HS3ST4: variants seen among roughly 807,000 people sequenced by gnomAD.
The protein encoded by HS3ST4 is heparan sulfate glucosamine 3-O-sulfotransferase 4.
Under a neutral mutation model 29.2 loss-of-function variants are expected in HS3ST4, and 17 were observed. That is an observed-to-expected ratio of 0.58 (90% CI 0.40 to 0.87). The LOEUF (loss-of-function observed/expected upper bound fraction) is 0.87. Ranked by LOEUF, HS3ST4 falls within the 40% of genes least tolerant of loss-of-function variation. The probability of loss-of-function intolerance (pLI) is 0.00; values close to 1 mark genes in which losing one functional copy is unlikely to be tolerated. For missense variants in HS3ST4, 627 were observed against 634.5 expected, an observed-to-expected ratio of 0.99 and a Z score of 0.13; for synonymous variants, 314 against 285.7, an observed-to-expected ratio of 1.10 and a Z score of -1.00.
At chr16:25,868,699 G>C (rs934477086) in intron 1 of HS3ST4, among the ~76,000 whole-genome samples, 45 of 152,206 alleles carry the variant, frequency 3.0e-4, no homozygotes, top group African/African-American at 1.1e-3. Flanking sequence ...AATTCGGACT[G>C]TCAACTAACC....
rs554177860 is a variant in HS3ST4 at position 25,864,362 on chromosome 16, A to G, written c.734+171211A>G. Among the ~76,000 whole-genome samples, 12 of 152,308 alleles carry G rather than the reference A, an allele frequency of 7.9e-5. No homozygotes were observed. In the South Asian group the frequency reaches 2.1e-3, roughly 26 times the overall value. On this transcript the variant is annotated intron_variant, in intron 1 of 1. Transcript: ENST00000331351. ...ACAACTTTTAAGTGTGCAAAGCATCATTATTATTAGGTTGGTGCAAAAGTA... is the reference window on the plus strand; with the variant it reads ...ACAACTTTTAAGTGTGCAAAGCATCGTTATTATTAGGTTGGTGCAAAAGTA...
chr16:26,134,362 C>CTTTTTTTTTT (rs60068546), intron 1 of HS3ST4, among the ~76,000 whole-genome samples: 3 of 76,806 alleles, frequency 3.9e-5, no homozygotes, highest in African/African-American at 1.4e-4. Flanking sequence ...CTTTTCTTTT[C>CTTTTTTTTTT]TTTTTTTTTT....
intron 1 of HS3ST4, among the ~76,000 whole-genome samples, chr16:25,994,006 G>A (rs1596638552): frequency 7.1e-6 from 1 of 140,090 alleles, no homozygotes; most frequent in Non-Finnish European, 1.6e-5. Flanking sequence ...GTGTGTGTGT[G>A]TGGTGGAGAG....
At chr16:25,750,274 A>C (rs193283300) in intron 1 of HS3ST4, among the ~76,000 whole-genome samples, 141 of 152,318 alleles carry the variant, frequency 9.3e-4, no homozygotes, top group African/African-American at 3.2e-3. Flanking sequence ...AGAGCAGCTC[A>C]GAGCTCCAAA....
Position 25,999,897 on chromosome 16 carries a change from T to TTTA in HS3ST4, c.735-135714_735-135713insTAT, listed in dbSNP as rs1555477424. On this transcript the variant is annotated intron_variant, in intron 1 of 1. Coordinates refer to ENST00000331351, the MANE Select transcript of HS3ST4 (RefSeq NM_006040.3). Reference sequence around the variant, plus strand: ...TTTATATATATTATATATATATATTTTATATATATATATATATCTGTTTTT... The same window carrying TTTA: ...TTTATATATATTATATATATATATTTTTATATATATATATATATATCTGTTTTT... Among the ~76,000 whole-genome samples the TTTA allele has an allele frequency of 4.1e-3, 546 of 131,748 alleles. 4 individuals are homozygous for TTTA. Among genetic ancestry groups the TTTA allele is most frequent in the African/African-American group, 0.015 (515 of 35,010 alleles). 86.4% of individuals were successfully genotyped at this position (131,748 alleles called of 152,430 possible).
At chr16:25,698,927 T>C (rs1405175570) in intron 1 of HS3ST4, among the ~76,000 whole-genome samples, 1 of 152,264 alleles carries the variant, frequency 6.6e-6, no homozygotes, top group East Asian at 1.9e-4. Flanking sequence ...GGGAAGCCAC[T>C]GCTGCAGTCT....
chr16:25,781,475 CT>C (rs757200973), intron 1 of HS3ST4, among the ~76,000 whole-genome samples: 1 of 152,270 alleles, frequency 6.6e-6, no homozygotes, highest in Non-Finnish European at 1.5e-5. Context: ...GGTTTCGATT[CT>C]CTTCAAAAGC....
chr16:25,812,794 T>C (rs1190200082), intron 1 of HS3ST4, among the ~76,000 whole-genome samples: 1 of 151,888 alleles, frequency 6.6e-6, no homozygotes, highest in East Asian at 1.9e-4. Context: ...CTCGACCTCC[T>C]AGTCTCAAGC....
chr16:25,987,656 C>A (rs1969077327), intron 1 of HS3ST4, among the ~76,000 whole-genome samples: 1 of 152,168 alleles, frequency 6.6e-6, no homozygotes, highest in Non-Finnish European at 1.5e-5. Flanking sequence ...AGCCAGTGGC[C>A]AAGTGTCTGA....
Position 25,692,520 on chromosome 16 carries a change from C to G in HS3ST4, c.103C>G (p.Leu35Val). The G allele has an allele frequency of 1.4e-6, 2 of 1,429,406 alleles. No individual in the cohort carries two copies. Among genetic ancestry groups the G allele is most frequent in the Non-Finnish European group, 1.9e-6 (2 of 1,079,612 alleles). 88.5% of individuals were successfully genotyped at this position (1,429,406 alleles called of 1,614,324 possible). A position where few individuals can be genotyped will look rare whatever the true frequency, so the allele number is the denominator to read the frequency against. ...ASAKGPPARK[L>V]LFMCTLSLSV... ...TGCTAAGGGGCCGCCGGCGCGCAAG[C>G]TGCTTTTTATGTGCACCTTGTCCCT... The change falls in exon 1 of 2, where the codon CTG becomes GTG. Residue 35 changes from leucine to valine, a missense_variant. Physicochemically the swap from Leu to Val is conservative, Grantham distance 32. This residue lies in a region of HS3ST4 where 402 missense variants were observed against 340.8 expected (regional missense o/e 1.18). Coordinates refer to ENST00000331351, the MANE Select transcript of HS3ST4 (RefSeq NM_006040.3).
Position 25,916,718 on chromosome 16 carries a change from C to G in HS3ST4, c.735-218894C>G, listed in dbSNP as rs536889256. On this transcript the variant is annotated intron_variant, in intron 1 of 1. Transcript: ENST00000331351. Reference sequence around the variant, plus strand: ...TTTTTGAGACAGAGTCTCGCGCTGTCCCCCAGGCTGGAGTGCAGTGGCAGG... The same window carrying G: ...TTTTTGAGACAGAGTCTCGCGCTGTGCCCCAGGCTGGAGTGCAGTGGCAGG... Among the ~76,000 whole-genome samples, 160 of 132,148 alleles carry G rather than the reference C, an allele frequency of 1.2e-3. 2 individuals are homozygous for G. The highest frequency in any genetic ancestry group is 4.4e-3 in the African/African-American group (148 of 33,962). 86.7% of individuals were successfully genotyped at this position (132,148 alleles called of 152,430 possible). A position where few individuals can be genotyped will look rare whatever the true frequency, so the allele number is the denominator to read the frequency against.
chr16:25,846,535 TA>T (rs5816326), intron 1 of HS3ST4, among the ~76,000 whole-genome samples: 43,101 of 145,310 alleles, frequency 0.3, 6,525 homozygotes, highest in Admixed American at 0.35. Flanking sequence ...CCCCATCTCT[TA>T]AAAAAAAAAA....
chr16:25,863,604 TACTC>T (rs148377434), intron 1 of HS3ST4, among the ~76,000 whole-genome samples: 1,672 of 152,338 alleles, frequency 0.011, 23 homozygotes, highest in African/African-American at 0.038. Context: ...ATTAAAGAAA[TACTC>T]TATCTTGCTT....
intron 1 of HS3ST4, among the ~76,000 whole-genome samples, chr16:26,103,484 C>T (rs532291239): frequency 2.0e-5 from 3 of 152,220 alleles, no homozygotes; most frequent in African/African-American, 7.2e-5. Context: ...GTGGTAAACT[C>T]CCCACTGGCC....
chr16:26,060,224 A>G (rs1898459178), intron 1 of HS3ST4, among the ~76,000 whole-genome samples: 1 of 152,176 alleles, frequency 6.6e-6, no homozygotes, highest in African/African-American at 2.4e-5. Context: ...CTAAGACATG[A>G]GAGGACTCAG....
chr16:25,702,293 A>G (rs1355468998), intron 1 of HS3ST4, among the ~76,000 whole-genome samples: 1 of 152,228 alleles, frequency 6.6e-6, no homozygotes, highest in East Asian at 1.9e-4. Flanking sequence ...TGGTAAGGAA[A>G]AAACAATGTA....
chr16:25,827,053 A>G (rs1967224581), intron 1 of HS3ST4, among the ~76,000 whole-genome samples: 1 of 152,188 alleles, frequency 6.6e-6, no homozygotes, highest in South Asian at 2.1e-4. Flanking sequence ...AAGATAGAAA[A>G]TGGAAGTTAA....
At chr16:25,873,437 TCCATCCATCCAC>T (rs1357112932) in intron 1 of HS3ST4, among the ~76,000 whole-genome samples, 1 of 150,002 alleles carries the variant, frequency 6.7e-6, no homozygotes, top group Non-Finnish European at 1.5e-5. Flanking sequence ...CATTAATCCA[TCCATCCATCCAC>T]CCATCCATTT....
At chr16:25,876,094 G>A (rs1291728788) in intron 1 of HS3ST4, among the ~76,000 whole-genome samples, 2 of 152,106 alleles carry the variant, frequency 1.3e-5, no homozygotes, top group East Asian at 3.9e-4. Context: ...GTTCCTTCCA[G>A]TGAGACCTCC....
Sources: gnomAD v4.1 joint callset for allele counts (sites outside exome capture counted in the v4.1 genomes callset) on GRCh38, gnomAD v4.1.1 for gene constraint, gnomAD v4.1.1 regional missense constraint, MANE v1.5 for transcripts, NCBI Gene and HGNC (gene_info 2026-07-23, HGNC 2026-07-21) for gene names.